BPHL: variants seen among roughly 807,000 people sequenced by gnomAD.
BPHL encodes the protein serine hydrolase BPHL.
Under a neutral mutation model 31.2 loss-of-function variants are expected in BPHL, and 27 were observed. The observed-to-expected ratio is 0.87, with a 90% CI of 0.64 to 1.19. The LOEUF (loss-of-function observed/expected upper bound fraction) is 1.19. Among genes scored for constraint, BPHL ranks in the 50% most tolerant of loss-of-function variants. BPHL has a pLI of 0.00. For synonymous variants in BPHL, 150 were observed against 146.8 expected (o/e 1.02, Z -0.16); for missense variants, 356 against 375.7 (o/e 0.95, Z 0.43).
chr6:3,149,436 G>T lies in BPHL; in HGVS notation c.789-3052G>T, dbSNP rs190654811. 7.2e-5 allele frequency among the ~76,000 whole-genome samples: 11 copies of T among 152,232 alleles called. 1 individual carries two copies. Among genetic ancestry groups the T allele is most frequent in the African/African-American group, 2.6e-4 (11 of 41,542 alleles). On this transcript the variant is annotated intron_variant, in intron 6 of 6. Transcript: ENST00000380379. This position sits in a 1 kb window ranked among gnomAD's most constrained non-coding sequence, Gnocchi z 4.6. ...CACTGCCCAGAAAGTAGCCTCCGGG[G>T]CAGTTTTGCTTCTAATGCTTGTGTC...
chr6:3,140,325 C>G lies in BPHL; in HGVS notation c.665-61C>G. On this transcript the variant is annotated intron_variant, in intron 5 of 6. Transcript: ENST00000380379. The surrounding 1 kb of genome is among the most constrained non-coding windows in gnomAD (Gnocchi z 5.2). ...AGGGGCAGGGCTCGCCGAGTTTCGC[C>G]TCCTCTGACCGCGTAGAATGGTTGC... 2.5e-6 allele frequency: 4 copies of G among 1,588,044 alleles called. No homozygotes were observed. The highest frequency in any genetic ancestry group is 3.8e-4 in the Middle Eastern group (2 of 5,292).
At chr6:3,148,159 A>T (rs1048055043) in intron 6 of BPHL, among the ~76,000 whole-genome samples, 1 of 152,236 alleles carries the variant, frequency 6.6e-6, no homozygotes, top group Admixed American at 6.5e-5. Flanking sequence ...GGGCTGATGG[A>T]TGCCATCTCT....
intron 6 of BPHL, among the ~76,000 whole-genome samples, chr6:3,141,901 G>GA (rs1318796276): frequency 6.6e-6 from 1 of 151,930 alleles, no homozygotes; most frequent in African/African-American, 2.4e-5. Context: ...TTGAACCTGG[G>GA]AGGCGGAGGT....
intron 4 of BPHL, among the ~76,000 whole-genome samples, chr6:3,133,542 C>A (rs774922883): frequency 4.6e-5 from 7 of 152,320 alleles, no homozygotes; most frequent in South Asian, 2.1e-4. Context: ...CCCCTCCCCC[C>A]ACTTTCCCCT....
chr6:3,120,298 G>A (rs1239594852), intron 1 of BPHL, among the ~76,000 whole-genome samples: 1 of 152,094 alleles, frequency 6.6e-6, no homozygotes, highest in Non-Finnish European at 1.5e-5. Context: ...GCCTCCCAAA[G>A]TGCTGGGATT....
intron 6 of BPHL, among the ~76,000 whole-genome samples, chr6:3,143,304 G>A (rs1182243415): frequency 6.6e-6 from 1 of 152,196 alleles, no homozygotes; most frequent in Non-Finnish European, 1.5e-5. Context: ...GATTATGTGT[G>A]AAGCAAACAC....
intron 4 of BPHL, among the ~76,000 whole-genome samples, chr6:3,137,052 T>C (rs1182310641): frequency 6.6e-6 from 1 of 152,128 alleles, no homozygotes; most frequent in Non-Finnish European, 1.5e-5. Context: ...TTTCATCCAC[T>C]TGGTAAGCAT....
intron 1 of BPHL, among the ~76,000 whole-genome samples, chr6:3,121,146 T>C (rs972253571): frequency 3.3e-5 from 5 of 152,140 alleles, no homozygotes; most frequent in Non-Finnish European, 7.3e-5. Flanking sequence ...AATAGTACAA[T>C]ATATAAGAGA....
intron 6 of BPHL, among the ~76,000 whole-genome samples, chr6:3,144,252 G>A (rs1762259522): frequency 5.3e-5 from 8 of 151,882 alleles, no homozygotes; most frequent in Admixed American, 5.2e-4. Context: ...TATTTTTAGT[G>A]GAGACGGGGT....
intron 4 of BPHL, among the ~76,000 whole-genome samples, chr6:3,133,947 G>A (rs893289156): frequency 1.3e-5 from 2 of 152,174 alleles, no homozygotes; most frequent in Non-Finnish European, 2.9e-5. Context: ...CAATAGATGA[G>A]ATTCTTAACT....
intron 6 of BPHL, among the ~76,000 whole-genome samples, chr6:3,146,128 T>G (rs1215906150): frequency 2.8e-5 from 1 of 35,604 alleles, no homozygotes; most frequent in African/African-American, 1.1e-4. Flanking sequence ...CTGGTTCGGG[T>G]CGGAGTGCTG....
At chr6:3,134,228 C>T (rs933780543) in intron 4 of BPHL, among the ~76,000 whole-genome samples, 2 of 152,142 alleles carry the variant, frequency 1.3e-5, no homozygotes, top group African/African-American at 2.4e-5. Context: ...ACGACCCCGC[C>T]GCTGTCCACC....
intron 6 of BPHL, among the ~76,000 whole-genome samples, chr6:3,151,714 C>G (rs1246055432): frequency 6.6e-6 from 1 of 152,218 alleles, no homozygotes; most frequent in Non-Finnish European, 1.5e-5. Flanking sequence ...TGTTTCTATA[C>G]TTTTGTAGCT....
chr6:3,140,488 A>G lies in BPHL; in HGVS notation c.767A>G (p.His256Arg), dbSNP rs770029343. ...LVPRFHADFI[H>R]KHVKGSRLHL... The stretch of plus-strand genomic sequence containing the variant: ...CCACGGTTTCATGCCGACTTCATTC[A>G]TAAGCACGTGAAAGGCTCACGGTAA... Residue 256 changes from histidine to arginine, a missense_variant, in exon 6 of 7, where the codon CAT becomes CGT. His to Arg is a conservative substitution (Grantham distance 29, BLOSUM62 0). Coordinates refer to ENST00000380379, the MANE Select transcript of BPHL (RefSeq NM_004332.4). The surrounding 1 kb of genome is among the most constrained non-coding windows in gnomAD (Gnocchi z 5.2). 20 of 1,614,016 alleles carry G rather than the reference A, an allele frequency of 1.2e-5. No homozygotes were observed. The South Asian group carries it at 1.9e-4, about 15-fold the overall frequency.
chr6:3,138,164 G>C (rs1421411986), intron 5 of BPHL: 1 of 405,998 alleles, frequency 2.5e-6, no homozygotes, highest in Admixed American at 3.6e-5. Context: ...GACCACAGGC[G>C]TGCACCACCA....
intron 1 of BPHL, among the ~76,000 whole-genome samples, chr6:3,121,993 G>T (rs756637905): frequency 6.6e-6 from 1 of 152,156 alleles, no homozygotes; most frequent in Non-Finnish European, 1.5e-5. Flanking sequence ...TAGAGAGTAT[G>T]TAGAAGAAAA....
intron 4 of BPHL, among the ~76,000 whole-genome samples, chr6:3,133,113 G>A (rs1421139813): frequency 2.0e-5 from 3 of 152,220 alleles, no homozygotes; most frequent in African/African-American, 7.2e-5. Context: ...CTTTAACAAC[G>A]TGATATCCAT....
intron 4 of BPHL, among the ~76,000 whole-genome samples, chr6:3,130,367 A>T (rs1761839814): frequency 6.6e-6 from 1 of 152,184 alleles, no homozygotes; most frequent in Admixed American, 6.5e-5. Flanking sequence ...GGAGTTGCTT[A>T]GCCTCCAGCA....
In BPHL at chr6:3,140,758, A is replaced by G. The variant is rs150831926; in HGVS notation, c.788+249A>G. Among the ~76,000 whole-genome samples, 2 of 152,232 alleles carry G rather than the reference A, an allele frequency of 1.3e-5. No individual in the cohort carries two copies. Among genetic ancestry groups the G allele is most frequent in the South Asian group, 2.1e-4 (1 of 4,828 alleles). On this transcript the variant is annotated intron_variant, in intron 6 of 6. Transcript: ENST00000380379. The surrounding 1 kb of genome is among the most constrained non-coding windows in gnomAD (Gnocchi z 5.2). The stretch of plus-strand genomic sequence containing the variant: ...GCTCTTACTTTCATGAGTGGCAAAC[A>G]TGCTCATAGGTGCTAAGCCCTGTCA...
Sources: allele counts gnomAD v4.1 joint callset (sites outside exome capture counted in the v4.1 genomes callset), GRCh38; gene constraint gnomAD v4.1.1; non-coding constraint Gnocchi (gnomAD v3.1); transcripts MANE v1.5; gene names NCBI Gene and HGNC (gene_info 2026-07-23, HGNC 2026-07-21).